The following NDE1 variants were observed in gnomAD, a reference collection of about 807,000 sequenced individuals.
NDE1 encodes the protein nuclear distribution protein nudE homolog 1.
A neutral mutation model predicts 43.4 loss-of-function variants in NDE1; 28 were observed. The observed-to-expected ratio is 0.65, with a 90% confidence interval of 0.48 to 0.89. The LOEUF (loss-of-function observed/expected upper bound fraction) is 0.89, where lower values mean the gene tolerates loss of function less well. Ranked by LOEUF, NDE1 falls within the 40% of genes least tolerant of loss-of-function variation. The pLI, the probability that NDE1 is intolerant of heterozygous loss-of-function variation, is 0.00. For synonymous variants in NDE1, 184 were observed against 172.0 expected, an observed-to-expected ratio of 1.07 and a Z score of -0.55; for missense variants, 441 against 434.1, an observed-to-expected ratio of 1.02 and a Z score of -0.14.
intron 1 of NDE1, among the ~76,000 whole-genome samples, 185 bp from the exon 2 acceptor site, chr16:15,664,551 T>G (rs2037204541): frequency 6.6e-6 from 1 of 152,016 alleles, no homozygotes; most frequent in Non-Finnish European, 1.5e-5. Context: ...GAGACGGGGT[T>G]TCACCATGTT....
intron 3 of NDE1, among the ~76,000 whole-genome samples, chr16:15,671,963 C>T (rs1301247790): frequency 1.3e-5 from 2 of 152,040 alleles, no homozygotes; most frequent in Admixed American, 6.6e-5. Context: ...GCTGGGATTA[C>T]AGGTGTGAGC....
chr16:15,699,645 C>T, intron 8 of NDE1: 1 of 1,281,008 alleles, frequency 7.8e-7, no homozygotes, highest in Non-Finnish European at 1.0e-6. Flanking sequence ...TCTTGATGTT[C>T]ACCCTTATAA....
In NDE1 at chr16:15,721,579, G is replaced by A. The variant is rs1232945828; in HGVS notation, c.948-2612G>A. The A allele has an allele frequency of 1.2e-6, 2 of 1,614,176 alleles. No homozygotes were observed. Among genetic ancestry groups the A allele is most frequent in the East Asian group, 2.2e-5 (1 of 44,870 alleles). On this transcript the variant is annotated intron_variant, in intron 8 of 8. Coordinates refer to ENST00000396354, the MANE Select transcript of NDE1 (RefSeq NM_017668.3). ...TTCCTTCTCCCTGGCTTCTGCCTCA[G>A]CTCTGTCCCTCTCATCCGCGTATTT...
At chr16:15,696,398 C>T (rs947428051) in intron 7 of NDE1, among the ~76,000 whole-genome samples, 1 of 142,002 alleles carries the variant, frequency 7.0e-6, no homozygotes, top group Non-Finnish European at 1.6e-5. Flanking sequence ...AAAAAAAAAA[C>T]TGAGATGGGA....
intron 4 of NDE1, chr16:15,686,272 C>T: frequency 6.7e-6 from 5 of 742,448 alleles, no homozygotes; most frequent in Non-Finnish European, 8.2e-6. Context: ...TCTTGCCACC[C>T]CTTCCCCACC....
At chr16:15,693,179 A>G (rs113967795) in intron 6 of NDE1, among the ~76,000 whole-genome samples, 2 of 151,868 alleles carry the variant, frequency 1.3e-5, no homozygotes, top group African/African-American at 4.8e-5. Flanking sequence ...CTAATTTTGT[A>G]TTTTTAGTAG....
At chr16:15,644,895 A>C (rs2036286466) in intron 1 of NDE1, among the ~76,000 whole-genome samples, 1 of 151,768 alleles carries the variant, frequency 6.6e-6, no homozygotes. Flanking sequence ...AACATCAAAG[A>C]ATGCAGACAC....
At chr16:15,712,628 T>C (rs951805026) in intron 8 of NDE1, among the ~76,000 whole-genome samples, 19 of 152,164 alleles carry the variant, frequency 1.2e-4, no homozygotes, top group Admixed American at 7.9e-4. Context: ...TGGGGCGGTC[T>C]AGTGGCAAGC....
intron 8 of NDE1, among the ~76,000 whole-genome samples, chr16:15,697,996 C>T (rs1414185693): frequency 1.3e-5 from 2 of 151,608 alleles, no homozygotes; most frequent in South Asian, 2.1e-4. Context: ...TTAGTCGAGA[C>T]GGGGTTTCAC....
chr16:15,721,942 C>G (rs2040509417), intron 8 of NDE1, among the ~76,000 whole-genome samples: 1 of 152,234 alleles, frequency 6.6e-6, no homozygotes, highest in Non-Finnish European at 1.5e-5. Context: ...ACTGCAACCT[C>G]CGCCTCGTGG....
intron 5 of NDE1, among the ~76,000 whole-genome samples, chr16:15,690,425 A>T: frequency 8.3e-6 from 1 of 120,042 alleles, no homozygotes; most frequent in South Asian, 2.6e-4. Flanking sequence ...TGGTATGATC[A>T]TGGCTTACTG....
chr16:15,694,120 G>T (rs2038890944), intron 6 of NDE1, 45 bp from the exon 7 acceptor site: 1 of 1,606,620 alleles, frequency 6.2e-7, no homozygotes, highest in African/African-American at 1.3e-5. Flanking sequence ...GCACAGACAT[G>T]ACTATAGGTT....
intron 8 of NDE1, among the ~76,000 whole-genome samples, chr16:15,712,057 G>C (rs940370078): frequency 6.6e-6 from 1 of 152,150 alleles, no homozygotes; most frequent in East Asian, 1.9e-4. Flanking sequence ...GTATAAAGGA[G>C]ACCAAAACGT....
intron 3 of NDE1, among the ~76,000 whole-genome samples, chr16:15,677,564 C>T (rs2037945848): frequency 6.6e-6 from 1 of 150,568 alleles, no homozygotes; most frequent in Admixed American, 6.6e-5. Flanking sequence ...CAAGCCTGGG[C>T]AACAGAGTGA....
chr16:15,647,814 T>C (rs62036922), upstream of NDE1, among the ~76,000 whole-genome samples: 11,623 of 152,002 alleles, frequency 0.076, 572 homozygotes, highest in East Asian at 0.27. Context: ...GAGGATCACT[T>C]GAGCCCAGGA....
chr16:15,682,695 T>G (rs1596602475), intron 4 of NDE1, among the ~76,000 whole-genome samples: 1 of 152,134 alleles, frequency 6.6e-6, no homozygotes, highest in Non-Finnish European at 1.5e-5. Flanking sequence ...TTTAATCTAG[T>G]TTTACTCTTT....
In NDE1 at chr16:15,715,013, C is replaced by T. The variant is rs2151192089; in HGVS notation, c.948-9178C>T. 3 of 1,613,994 alleles carry T rather than the reference C, an allele frequency of 1.9e-6. No individual in the cohort carries two copies. Among genetic ancestry groups the T allele is most frequent in the Non-Finnish European group, 2.5e-6 (3 of 1,180,028 alleles). ...GCTTCCTGCGGTTGGCGTTGATGCG[C>T]TGGGACTCCTCCTCTGCCTCCTCCA... On this transcript the variant is annotated intron_variant, in intron 8 of 8. Coordinates refer to ENST00000396354, the MANE Select transcript of NDE1 (RefSeq NM_017668.3).
chr16:15,691,531 T>A (rs2038753683), intron 6 of NDE1, among the ~76,000 whole-genome samples: 2 of 152,006 alleles, frequency 1.3e-5, no homozygotes, highest in African/African-American at 4.8e-5. Context: ...TGGAGTCTGA[T>A]GAAATGGAAA....
chr16:15,645,386 T>C (rs898170693), upstream of NDE1, among the ~76,000 whole-genome samples: 5 of 152,106 alleles, frequency 3.3e-5, no homozygotes, highest in African/African-American at 1.2e-4. Context: ...TCCCAGCACT[T>C]TGGGAGGCTG....
Sources: gnomAD v4.1 joint callset for allele counts (sites outside exome capture counted in the v4.1 genomes callset) on GRCh38, gnomAD v4.1.1 for gene constraint, MANE v1.5 for transcripts, NCBI Gene and HGNC (gene_info 2026-07-23, HGNC 2026-07-21) for gene names.